The following FGD6 variants were observed in gnomAD, a reference collection of about 807,000 sequenced individuals.
The protein encoded by FGD6 is FYVE, RhoGEF and PH domain containing 6.
Under a neutral mutation model 149.4 loss-of-function variants are expected in FGD6, and 90 were observed. The observed-to-expected ratio is 0.60, with a 90% confidence interval of 0.51 to 0.72. FGD6 has a LOEUF of 0.72. FGD6 is among the 30% of genes least tolerant of loss of function. FGD6 has a pLI of 0.00. For synonymous variants in FGD6, 527 were observed against 584.0 expected, an observed-to-expected ratio of 0.90 and a Z score of 1.41; for missense variants, 1,437 against 1,684.8, an observed-to-expected ratio of 0.85 and a Z score of 2.57.
chr12:95,165,838 G>A (rs1203385529), intron 3 of FGD6, among the ~76,000 whole-genome samples: 1 of 151,506 alleles, frequency 6.6e-6, no homozygotes, highest in Non-Finnish European at 1.5e-5. Flanking sequence ...GTAGGCATGG[G>A]GTTTTGCCAT....
At chr12:95,124,220 C>G (rs1291312453) in intron 8 of FGD6, among the ~76,000 whole-genome samples, 4 of 152,058 alleles carry the variant, frequency 2.6e-5, no homozygotes, top group African/African-American at 9.7e-5. Flanking sequence ...CCTGAGACTG[C>G]TTTTCTTAGT....
At chr12:95,130,286 A>G (rs755326826) in intron 8 of FGD6, among the ~76,000 whole-genome samples, 2 of 152,142 alleles carry the variant, frequency 1.3e-5, no homozygotes, top group Non-Finnish European at 2.9e-5. Flanking sequence ...TTATCTTATC[A>G]TCTATGCATA....
At chr12:95,204,704 GCA>G (rs945198670) in intron 2 of FGD6, among the ~76,000 whole-genome samples, 5 of 138,098 alleles carry the variant, frequency 3.6e-5, no homozygotes, top group South Asian at 2.4e-4. Flanking sequence ...ACACGTGCAT[GCA>G]CGCGCACACA....
At chr12:95,081,637 G>T (rs571525261) in intron 20 of FGD6, 81 bp from the exon 21 acceptor site, 2 of 844,824 alleles carry the variant, frequency 2.4e-6, no homozygotes, top group East Asian at 2.7e-5. Flanking sequence ...AGCTGGGCCT[G>T]TGGTCCTCAT....
chr12:95,084,844 A>T (rs1877807317), intron 19 of FGD6, among the ~76,000 whole-genome samples, 198 bp from the exon 20 acceptor site: 1 of 152,270 alleles, frequency 6.6e-6, no homozygotes, highest in African/African-American at 2.4e-5. Flanking sequence ...CCTATATGCC[A>T]GGCACTGTGG....
intron 8 of FGD6, among the ~76,000 whole-genome samples, chr12:95,133,221 C>A (rs1879574316): frequency 6.6e-6 from 1 of 152,128 alleles, no homozygotes. Context: ...AGTTTGAGAC[C>A]AACCTGGCCA....
intron 3 of FGD6, among the ~76,000 whole-genome samples, chr12:95,160,077 G>A (rs1880591395): frequency 6.6e-6 from 1 of 151,906 alleles, no homozygotes; most frequent in African/African-American, 2.4e-5. Context: ...GTGTGCGGTG[G>A]CTCACGCTTG....
chr12:95,177,679 T>C (rs1881169486), intron 2 of FGD6, among the ~76,000 whole-genome samples: 1 of 152,116 alleles, frequency 6.6e-6, no homozygotes, highest in South Asian at 2.1e-4. Flanking sequence ...TATCACAGAA[T>C]GAGGGGAAAA....
chr12:95,188,352 G>C (rs1030119752), intron 2 of FGD6, among the ~76,000 whole-genome samples: 1 of 151,792 alleles, frequency 6.6e-6, no homozygotes, highest in African/African-American at 2.4e-5. Context: ...AGGTAAAGGA[G>C]AGAAATAAGC....
At chr12:95,125,996 G>A in intron 8 of FGD6, 2 of 1,389,262 alleles carry the variant, frequency 1.4e-6, no homozygotes, top group Middle Eastern at 1.8e-4. Context: ...CCTGGCAGAA[G>A]GTAGACATCA....
chr12:95,150,216 C>T (rs186670740), intron 5 of FGD6, among the ~76,000 whole-genome samples: 19 of 151,902 alleles, frequency 1.3e-4, no homozygotes, highest in African/African-American at 3.1e-4. Flanking sequence ...TTAGTAGAGA[C>T]GGGGTTTCTC....
intron 2 of FGD6, among the ~76,000 whole-genome samples, chr12:95,183,678 A>G (rs1881346696): frequency 6.6e-6 from 1 of 152,124 alleles, no homozygotes; most frequent in Admixed American, 6.5e-5. Context: ...ATCTCTACAA[A>G]ACATAAAAAA....
At chr12:95,100,611 T>C (rs974147444) in intron 14 of FGD6, 1 of 498,022 alleles carries the variant, frequency 2.0e-6, no homozygotes, top group Non-Finnish European at 4.0e-6. Context: ...GCATTCTTTT[T>C]TCCCACCCTT....
chr12:95,134,620 T>C, intron 8 of FGD6, 119 bp downstream of exon 8: 2 of 828,862 alleles, frequency 2.4e-6, no homozygotes, highest in South Asian at 1.4e-5. Context: ...ATCCACGTAT[T>C]AGGCAACGTG....
At chr12:95,212,470 A>C (rs1478816618) in intron 1 of FGD6, among the ~76,000 whole-genome samples, 1 of 152,258 alleles carries the variant, frequency 6.6e-6, no homozygotes, top group Non-Finnish European at 1.5e-5. Flanking sequence ...CAACAGACCT[A>C]TAAAGCGAAA....
At chr12:95,176,496 A>G (rs1169604355) in intron 2 of FGD6, among the ~76,000 whole-genome samples, 1 of 152,168 alleles carries the variant, frequency 6.6e-6, no homozygotes. Context: ...CAAGCACCCT[A>G]AGTCAGATTT....
At chr12:95,090,237 G>A (rs1235602510) in intron 17 of FGD6, among the ~76,000 whole-genome samples, 6 of 152,042 alleles carry the variant, frequency 3.9e-5, no homozygotes, top group Non-Finnish European at 7.3e-5. Context: ...AGGTCAGCAT[G>A]AGCAAAGGCA....
At chr12:95,126,125 A>T (rs1412022998) in intron 8 of FGD6, 1 of 1,039,520 alleles carries the variant, frequency 9.6e-7, no homozygotes, top group Non-Finnish European at 1.5e-6. Flanking sequence ...GGGACAGAAT[A>T]ATCAAGAATG....
At chr12:95,142,464 G>C (rs1381175332) in intron 5 of FGD6, among the ~76,000 whole-genome samples, 4 of 152,040 alleles carry the variant, frequency 2.6e-5, no homozygotes, top group Non-Finnish European at 5.9e-5. Flanking sequence ...TTTTTGTAGA[G>C]ACAAGGTTTC....
Sources: gnomAD v4.1 joint callset for allele counts (sites outside exome capture counted in the v4.1 genomes callset) on GRCh38, gnomAD v4.1.1 for gene constraint, MANE v1.5 for transcripts, NCBI Gene and HGNC (gene_info 2026-07-23, HGNC 2026-07-21) for gene names.